ADGRB2: variants seen among roughly 807,000 people sequenced by gnomAD.
The protein encoded by ADGRB2 is adhesion G protein-coupled receptor B2.
A neutral mutation model predicts 178.7 loss-of-function variants in ADGRB2; 47 were observed. That is an observed-to-expected ratio of 0.26 (90% CI 0.21 to 0.34). The LOEUF (loss-of-function observed/expected upper bound fraction) is 0.34. Among genes scored for constraint, ADGRB2 ranks in the 10% least tolerant of loss-of-function variants. The probability of loss-of-function intolerance (pLI) is 1.00; values close to 1 mark genes in which losing one functional copy is unlikely to be tolerated. For synonymous variants in ADGRB2, 870 were observed against 912.4 expected (o/e 0.95, Z 0.84); for missense variants, 1,584 against 2,180.8 (o/e 0.73, Z 5.45).
chr1:31,748,503 C>G (rs896681465), intron 4 of ADGRB2, among the ~76,000 whole-genome samples: 26 of 152,280 alleles, frequency 1.7e-4, no homozygotes, highest in Non-Finnish European at 4.4e-5. Flanking sequence ...TCAGCACACA[C>G]TGTGTGCAGG....
At position 31,744,233 on chromosome 1, in the gene ADGRB2, C is replaced by A; in HGVS notation, c.1047G>T (p.Leu349=). The change falls in exon 6 of 33, where the codon CTG becomes CTT. Residue 349 remains leucine, a synonymous_variant. Transcript: ENST00000373658. The surrounding 1 kb of genome is among the most constrained non-coding windows in gnomAD (Gnocchi z 6.7). ...SPYGTLCSGP[L]RETRPCNNSA... ...AATTGTTGCAGGGCCTGGTCTCCCG[C>A]AGGGGCCCGCTGCACAGGGTCCCAT... 1 of 1,546,154 alleles carries A rather than the reference C, an allele frequency of 6.5e-7. No individual in the cohort carries two copies. The highest frequency in any genetic ancestry group is 2.0e-5 in the Admixed American group (1 of 49,776).
At chr1:31,729,677 C>A (rs1178678887) in intron 29 of ADGRB2, among the ~76,000 whole-genome samples, 1 of 152,232 alleles carries the variant, frequency 6.6e-6, no homozygotes, top group Non-Finnish European at 1.5e-5. Context: ...GTTGCCCACG[C>A]CCGAATTCTG....
rs747238897 is a variant in ADGRB2 at position 31,756,797 on chromosome 1, T to G, written c.40A>C (p.Thr14Pro). 1 of 1,482,838 alleles carries G rather than the reference T, an allele frequency of 6.7e-7. No individual in the cohort carries two copies. The highest frequency in any genetic ancestry group is 9.0e-7 in the Non-Finnish European group (1 of 1,112,798). 91.9% of individuals were successfully genotyped at this position (1,482,838 alleles called of 1,614,324 possible). A position where few individuals can be genotyped will look rare whatever the true frequency, so the allele number is the denominator to read the frequency against. Residue 14 changes from threonine to proline, a missense_variant, in exon 4 of 33, where the codon ACC becomes CCC. Coordinates refer to ENST00000373658, the MANE Select transcript of ADGRB2 (RefSeq NM_001364857.2). The surrounding 1 kb of genome is among the most constrained non-coding windows in gnomAD (Gnocchi z 8.5). ...TGWMGKGHRM[T>P]PACPLLLSVI... The stretch of plus-strand genomic sequence containing the variant: ...GACAGTAAGAGGGGACAGGCTGGGG[T>G]CATCCTATGTCCCTTGCCCTGTGGA...
Position 31,756,368 on chromosome 1 carries a change from A to G in ADGRB2, c.469T>C (p.Phe157Leu), listed in dbSNP as rs755418144. The change falls in exon 4 of 33, where the codon TTC becomes CTC. Residue 157 changes from phenylalanine to leucine, a missense_variant. Physicochemically the swap from Phe to Leu is conservative, Grantham distance 22 (BLOSUM62 0). Coordinates refer to ENST00000373658, the MANE Select transcript of ADGRB2 (RefSeq NM_001364857.2). The surrounding 1 kb of genome is among the most constrained non-coding windows in gnomAD (Gnocchi z 8.5). ...PFTFLHFDKN[F>L]VQLCLSAEPS... is the part of the protein sequence containing the mutation. The stretch of plus-strand genomic sequence containing the variant: ...TCAGCCGACAGGCACAGCTGCACGA[A>G]GTTCTTGTCGAAGTGCAGGAAGGTA... 6.8e-6 allele frequency: 11 copies of G among 1,612,838 alleles called. No individual in the cohort carries two copies. In the African/African-American group the frequency reaches 1.5e-4, roughly 22 times the overall value.
intron 4 of ADGRB2, among the ~76,000 whole-genome samples, chr1:31,745,719 C>G (rs534813071): frequency 6.6e-6 from 1 of 152,330 alleles, no homozygotes; most frequent in South Asian, 2.1e-4. Flanking sequence ...TCCCCCACCT[C>G]CAGGCTCCTT....
intron 1 of ADGRB2, among the ~76,000 whole-genome samples, chr1:31,760,223 G>C (rs1646998914): frequency 6.6e-6 from 1 of 152,124 alleles, no homozygotes; most frequent in Non-Finnish European, 1.5e-5. Flanking sequence ...GTGGCTGATA[G>C]AGAGGAGGAT....
In ADGRB2 at chr1:31,728,803, A is replaced by AACACACACACACACACACACACACACAC. The variant is rs71006321; in HGVS notation, c.4381-198_4381-171dup. Reference sequence around the variant, plus strand: ...TGGGGCAGCTTTTCAGGCCTCACTGAACACACACACACACACACACACACA... The same window carrying AACACACACACACACACACACACACACAC: ...TGGGGCAGCTTTTCAGGCCTCACTGAACACACACACACACACACACACACACACACACACACACACACACACACACACA... On this transcript the variant is annotated intron_variant, in intron 29 of 32. Transcript: ENST00000373658. This position sits in a 1 kb window ranked among gnomAD's most constrained non-coding sequence, Gnocchi z 6.7. Among the ~76,000 whole-genome samples, 410 of 115,500 alleles carry AACACACACACACACACACACACACACAC rather than the reference A, an allele frequency of 3.5e-3. 5 individuals carry two copies. The highest frequency in any genetic ancestry group is 6.9e-3 in the Admixed American group (76 of 10,938). 75.8% of individuals were successfully genotyped at this position (115,500 alleles called of 152,430 possible).
intron 26 of ADGRB2, 127 bp from the exon 27 acceptor site, chr1:31,732,739 G>A: frequency 8.3e-7 from 1 of 1,210,314 alleles, no homozygotes; most frequent in Admixed American, 2.0e-5. Flanking sequence ...CCTTGGGGAA[G>A]GTGATGACAC....
chr1:31,735,784 C>T lies in ADGRB2; in HGVS notation c.3267+43G>A. On this transcript the variant is annotated intron_variant, in intron 23 of 32. Transcript: ENST00000373658. This position sits in a 1 kb window ranked among gnomAD's most constrained non-coding sequence, Gnocchi z 6.0. ...AGGTAGAGGGAGAAACAGGATGACC[C>T]TCTGGGGCCATGCCCCTTCCAAGAT... 1 of 1,599,726 alleles carries T rather than the reference C, an allele frequency of 6.3e-7. No individual in the cohort carries two copies. Among genetic ancestry groups the T allele is most frequent in the Non-Finnish European group, 8.5e-7 (1 of 1,171,636 alleles).
intron 4 of ADGRB2, among the ~76,000 whole-genome samples, chr1:31,749,680 G>A (rs1048447503): frequency 1.3e-4 from 20 of 152,256 alleles, no homozygotes; most frequent in Admixed American, 1.3e-3. Flanking sequence ...GGGAAGCCGA[G>A]GAGGGCGGAT....
At chr1:31,763,339 G>A (rs997741953) in intron 1 of ADGRB2, among the ~76,000 whole-genome samples, 1 of 151,280 alleles carries the variant, frequency 6.6e-6, no homozygotes, top group African/African-American at 2.4e-5. Flanking sequence ...GAAGAAGCAT[G>A]GTCGGGGTAC....
intron 4 of ADGRB2, among the ~76,000 whole-genome samples, chr1:31,748,139 C>T (rs538930160): frequency 6.6e-6 from 1 of 152,352 alleles, no homozygotes; most frequent in Non-Finnish European, 1.5e-5. Context: ...TAACCACTCA[C>T]AGACCATCTG....
chr1:31,738,376 G>A, intron 17 of ADGRB2, 50 bp from the exon 18 acceptor site: 2 of 1,610,332 alleles, frequency 1.2e-6, no homozygotes, highest in Non-Finnish European at 8.5e-7. Context: ...ACGTGGCCCT[G>A]CCCCCAGTCC....
In ADGRB2 at chr1:31,737,442, C is replaced by G; in HGVS notation, c.2966G>C (p.Arg989Pro). The part of the protein sequence containing the change: ...SNILILVGQS[R>P]VLSKGVCTMT... ...GTCTGCACCTGCCTTGCTCAGCACC[C>G]GGGACTGGCCCACGAGGATCAGGAT... The change falls in exon 20 of 33, where the codon CGG becomes CCG. Residue 989 changes from arginine (R) to proline (P), a missense_variant. By Grantham distance (103) the Arg-to-Pro change is moderately radical. Around this residue, in one of 3 missense-constraint regions of ADGRB2, gnomAD observed 865 missense variants for 1,192.8 expected, o/e 0.73. Coordinates refer to ENST00000373658, the MANE Select transcript of ADGRB2 (RefSeq NM_001364857.2). 6.2e-7 allele frequency: 1 copy of G among 1,614,090 alleles called. No individual in the cohort carries two copies. Among genetic ancestry groups the G allele is most frequent in the Non-Finnish European group, 8.5e-7 (1 of 1,179,958 alleles).
Position 31,731,298 on chromosome 1 carries a change from G to A in ADGRB2, c.3882C>T (p.Ser1294=). 1 of 1,612,284 alleles carries A rather than the reference G, an allele frequency of 6.2e-7. No individual in the cohort carries two copies. Among genetic ancestry groups the A allele is most frequent in the South Asian group, 1.1e-5 (1 of 90,816 alleles). The change falls in exon 29 of 33, where the codon AGC becomes AGT. Residue 1294 remains serine (S), a synonymous_variant. Transcript: ENST00000373658. ...GGATATTCCCAGGCAGTGGTGAGAA[G>A]CTGAGGCTGCCCTCAGGGCCCACGA... ...SCLVGPEGSL[S]FSPLPGNILV... is the part of the protein sequence containing the mutation.
rs1268696091 is a variant in ADGRB2 at position 31,728,794 on chromosome 1, G to T, written c.4381-161C>A. On this transcript the variant is annotated intron_variant, in intron 29 of 32. Transcript: ENST00000373658. This position sits in a 1 kb window ranked among gnomAD's most constrained non-coding sequence, Gnocchi z 6.7. ...GGACCTTCATGGGGCAGCTTTTCAG[G>T]CCTCACTGAACACACACACACACAC... Among the ~76,000 whole-genome samples the T allele has an allele frequency of 9.1e-6, 1 of 109,794 alleles. No homozygotes were observed. Among genetic ancestry groups the T allele is most frequent in the African/African-American group, 3.2e-5 (1 of 31,554 alleles). The allele number at this position is 109,794 out of a possible 152,430, so 72.0% of individuals were successfully genotyped here. A position where few individuals can be genotyped will look rare whatever the true frequency, so the allele number is the denominator to read the frequency against.
In ADGRB2 at chr1:31,731,351, C is replaced by T. The variant is rs556045943; in HGVS notation, c.3829G>A (p.Asp1277Asn). 3 of 1,612,758 alleles carry T rather than the reference C, an allele frequency of 1.9e-6. No homozygotes were observed. Among genetic ancestry groups the T allele is most frequent in the East Asian group, 2.2e-5 (1 of 44,882 alleles). Residue 1277 changes from aspartate (D) to asparagine (N), a missense_variant, in exon 29 of 33, where the codon GAT (aspartate) becomes AAT (asparagine). This residue lies in a region of ADGRB2 where 865 missense variants were observed against 1,192.8 expected (regional missense o/e 0.73). Transcript: ENST00000373658. ...ITGTLSRLSL[D>N]EDEEPKSCLV... is the part of the protein sequence containing the mutation. ...CAGGACTTGGGCTCCTCATCCTCAT[C>T]CAGGGACAGGCGGGATAGTGTGCCC... is the stretch of plus-strand genomic sequence containing the variant.
chr1:31,735,176 G>C lies in ADGRB2; in HGVS notation c.3452+7C>G. ...ACCCCCACCGCCCCCCAGGGGGCAC[G>C]ACTAACATGGCGTTCCTGGCCGAGG... On this transcript the variant is annotated splice_region_variant and intron_variant, in intron 25 of 32. Transcript: ENST00000373658. The surrounding 1 kb of genome is among the most constrained non-coding windows in gnomAD (Gnocchi z 6.0). 2 of 1,189,300 alleles carry C rather than the reference G, an allele frequency of 1.7e-6. No individual in the cohort carries two copies. The highest frequency in any genetic ancestry group is 1.9e-5 in the South Asian group (1 of 51,996). The allele number at this position is 1,189,300 out of a possible 1,614,324, so 73.7% of individuals were successfully genotyped here.
intron 4 of ADGRB2, among the ~76,000 whole-genome samples, chr1:31,749,178 C>T (rs1646432597): frequency 6.6e-6 from 1 of 152,204 alleles, no homozygotes; most frequent in Non-Finnish European, 1.5e-5. Flanking sequence ...TCCCCTTTCC[C>T]CTGACATGAG....
Sources: allele counts gnomAD v4.1 joint callset (sites outside exome capture counted in the v4.1 genomes callset), GRCh38; gene constraint gnomAD v4.1.1; regional missense constraint gnomAD v4.1.1; non-coding constraint Gnocchi (gnomAD v3.1); transcripts MANE v1.5; gene names NCBI Gene and HGNC (gene_info 2026-07-23, HGNC 2026-07-21).